Variants in MAGEA11 observed in about 807,000 individuals in gnomAD.
MAGEA11 encodes the protein MAGE family member A11.
In MAGEA11, 1 loss-of-function variant was observed where a neutral mutation model predicts 8.4. The ratio of observed to expected loss-of-function variants is 0.12; its 90% CI spans 0.04 to 0.57. The LOEUF (loss-of-function observed/expected upper bound fraction) is 0.57. Ranked by LOEUF, MAGEA11 falls within the 20% of genes least tolerant of loss-of-function variation. The probability of loss-of-function intolerance (pLI) is 0.91; values close to 1 mark genes in which losing one functional copy is unlikely to be tolerated. For synonymous variants in MAGEA11, 127 were observed against 119.3 expected (o/e 1.06, Z -0.42); for missense variants, 209 against 317.3 (o/e 0.66, Z 2.59).
intron 1 of MAGEA11, among the ~76,000 whole-genome samples, chrX:149,692,580 G>A (rs1477895362): frequency 3.6e-5 from 4 of 111,897 alleles, no homozygotes; most frequent in Admixed American, 2.9e-4. Context: ...AACTCAGGGT[G>A]CTAGAGCTGC....
chrX:149,696,029 C>T (rs2090329185), intron 1 of MAGEA11, among the ~76,000 whole-genome samples: 1 of 110,753 alleles, frequency 9.0e-6, no homozygotes, highest in African/African-American at 3.3e-5. Context: ...GCACAGGAGT[C>T]TCCTGTGAAT....
intron 1 of MAGEA11, among the ~76,000 whole-genome samples, chrX:149,706,942 T>C (rs912059353): frequency 8.9e-6 from 1 of 112,768 alleles, no homozygotes; most frequent in Non-Finnish European, 1.9e-5. Flanking sequence ...AGCTGCCTCC[T>C]GACAAGAGAG....
At chrX:149,697,514 C>T (rs1435834939) in intron 1 of MAGEA11, among the ~76,000 whole-genome samples, 3 of 110,686 alleles carry the variant, frequency 2.7e-5, no homozygotes, top group African/African-American at 6.6e-5. Flanking sequence ...GGCTGATGGA[C>T]GTCCTGCAGT....
At chrX:149,710,333 G>C (rs910032313), upstream of MAGEA11, among the ~76,000 whole-genome samples, 11 of 112,557 alleles carry the variant, frequency 9.8e-5, no homozygotes, top group African/African-American at 3.6e-4. Flanking sequence ...ATCATTGATA[G>C]GGAACAGAAT....
upstream of MAGEA11, among the ~76,000 whole-genome samples, chrX:149,708,288 T>A (rs1450040746): frequency 8.9e-6 from 1 of 111,941 alleles, no homozygotes; most frequent in Non-Finnish European, 1.9e-5. Flanking sequence ...TCGAATTAAT[T>A]TTTGTATATG....
intron 1 of MAGEA11, among the ~76,000 whole-genome samples, chrX:149,694,091 C>A (rs988218577): frequency 1.8e-5 from 2 of 112,039 alleles, no homozygotes; most frequent in Non-Finnish European, 3.8e-5. Context: ...AATGGAATGG[C>A]TGGGTCATAA....
At chrX:149,688,693 TATACATATACATATACAC>T (rs1182204281), upstream of MAGEA11, 5 of 183,335 alleles carry the variant, frequency 2.7e-5, no homozygotes, top group East Asian at 4.2e-4. Flanking sequence ...TACATATACA[TATACATATACATATACAC>T]ATACACATAC....
Position 149,715,750 on chromosome X carries a change from C to T in MAGEA11, c.267-3C>T. 8.3e-7 allele frequency: 1 copy of T among 1,202,048 alleles called. No individual in the cohort carries two copies. The highest frequency in any genetic ancestry group is 1.1e-6 in the Non-Finnish European group (1 of 890,790). On this transcript the variant is annotated splice_polypyrimidine_tract_variant and splice_region_variant and intron_variant, in intron 4 of 4. Transcript: ENST00000355220. ...TCTGTTCTCACGCTCCCTCTCTCCC[C>T]AGGCTGTGGGGCCCCATCACCCAGA...
intron 1 of MAGEA11, among the ~76,000 whole-genome samples, chrX:149,701,393 A>G (rs369722649): frequency 1.8e-5 from 2 of 109,970 alleles, no homozygotes; most frequent in Non-Finnish European, 3.8e-5. Context: ...CATATCCTTC[A>G]CCCACTTTTT....
chrX:149,713,130 C>T lies in MAGEA11; in HGVS notation c.-17-13C>T, dbSNP rs1557362080. 2 of 1,132,793 alleles carry T rather than the reference C, an allele frequency of 1.8e-6. No individual in the cohort carries two copies. The highest frequency in any genetic ancestry group is 2.4e-4 in the Middle Eastern group (1 of 4,183). 93.4% of individuals were successfully genotyped at this position (1,132,793 alleles called of 1,213,427 possible). A position where few individuals can be genotyped will look rare whatever the true frequency, so the allele number is the denominator to read the frequency against. ...AGTCCCGCCGTCTCAAACTGAGGTGCCTTTTCATTCAGCCTTGGGAATCTG... is the reference window on the plus strand; with the variant it reads ...AGTCCCGCCGTCTCAAACTGAGGTGTCTTTTCATTCAGCCTTGGGAATCTG... On this transcript the variant is annotated splice_polypyrimidine_tract_variant and intron_variant, in intron 1 of 4. Transcript: ENST00000355220.
At chrX:149,688,204 G>A (rs2090294475), upstream of MAGEA11, 1 of 112,448 alleles carries the variant, frequency 8.9e-6, no homozygotes, top group South Asian at 3.7e-4. Context: ...GATTCTTCCT[G>A]TTCTCCCTGA....
intron 1 of MAGEA11, among the ~76,000 whole-genome samples, chrX:149,706,654 T>C (rs1376170052): frequency 8.9e-6 from 1 of 112,147 alleles, no homozygotes; most frequent in African/African-American, 3.2e-5. Context: ...AAAGTTTAAC[T>C]GTTCATAAGC....
rs1322111635 is a variant in MAGEA11 at position 149,716,008 on chromosome X, T to C, written c.522T>C (p.Ser174=). Residue 174 remains serine (S), a synonymous_variant, in exon 5 of 5, where the codon AGT becomes AGC. Coordinates refer to ENST00000355220, the MANE Select transcript of MAGEA11 (RefSeq NM_005366.5). ...CTGAGTCACCAAGTCCTCCCCAGAG[T>C]CCTCAGGAAGAGTCCTTCTCTCCCA... ...PAAESPSPPQ[S]PQEESFSPTA... The C allele has an allele frequency of 1.7e-6, 2 of 1,209,414 alleles. No individual in the cohort carries two copies. Among genetic ancestry groups the C allele is most frequent in the African/African-American group, 3.5e-5 (2 of 56,956 alleles).
In MAGEA11 at chrX:149,715,953, A is replaced by T; in HGVS notation, c.467A>T (p.Asn156Ile). 1 of 1,211,199 alleles carries T rather than the reference A, an allele frequency of 8.3e-7. No homozygotes were observed. Among genetic ancestry groups the T allele is most frequent in the South Asian group, 1.8e-5 (1 of 56,933 alleles). Reference protein sequence around the residue: ...QEAAFFSSTLNVGTLEELPAA... With the variant: ...QEAAFFSSTLIVGTLEELPAA... ...GCTGCCTTCTTCTCCTCTACTCTGA[A>T]TGTGGGCACTCTAGAGGAGTTGCCT... The change falls in exon 5 of 5, where the codon AAT becomes ATT. Residue 156 changes from asparagine to isoleucine, a missense_variant. Around this residue, in one of 2 missense-constraint regions of MAGEA11, gnomAD observed 131 missense variants for 138.5 expected, o/e 0.95. Coordinates refer to ENST00000355220, the MANE Select transcript of MAGEA11 (RefSeq NM_005366.5).
chrX:149,704,164 C>G (rs2090365980), intron 1 of MAGEA11, among the ~76,000 whole-genome samples: 1 of 111,791 alleles, frequency 8.9e-6, no homozygotes, highest in South Asian at 3.8e-4. Flanking sequence ...AGAATCCTAC[C>G]CAATGGCCTC....
At chrX:149,695,661 G>A (rs782678053) in intron 1 of MAGEA11, among the ~76,000 whole-genome samples, 18 of 112,236 alleles carry the variant, frequency 1.6e-4, no homozygotes, top group Non-Finnish European at 2.6e-4. Context: ...AACTTCGTTA[G>A]TCACTAGGGA....
chrX:149,714,504 C>T lies in MAGEA11; in HGVS notation c.120C>T (p.Asp40=), dbSNP rs73640691. The T allele has an allele frequency of 4.0e-3, 4,778 of 1,209,276 alleles. 127 individuals carry two copies. The African/African-American group carries it at 0.074, about 19-fold the overall frequency. Residue 40 remains aspartate, a synonymous_variant, in exon 3 of 5, where the codon GAC becomes GAT. Coordinates refer to ENST00000355220, the MANE Select transcript of MAGEA11 (RefSeq NM_005366.5). ...AGGTGAGCACTATGTTCTCAGAGGA[C>T]GACTTCCAGTCAACAGAAAGAGCCC... is the stretch of plus-strand genomic sequence containing the variant. ...GLQVSTMFSE[D]DFQSTERAPY... is the part of the protein sequence containing the mutation.
chrX:149,691,492 G>T (rs1471575732), intron 1 of MAGEA11, among the ~76,000 whole-genome samples: 4 of 110,927 alleles, frequency 3.6e-5, no homozygotes. Context: ...CTTCAGCATG[G>T]GTAAGTTTCT....
At chrX:149,694,658 T>C (rs1302949787) in intron 1 of MAGEA11, among the ~76,000 whole-genome samples, 1 of 111,933 alleles carries the variant, frequency 8.9e-6, no homozygotes, top group Non-Finnish European at 1.9e-5. Context: ...TATCTGATGA[T>C]TTTCCTTTTT....
Sources: allele counts gnomAD v4.1 joint callset (sites outside exome capture counted in the v4.1 genomes callset), GRCh38; gene constraint gnomAD v4.1.1; regional missense constraint gnomAD v4.1.1; transcripts MANE v1.5; gene names NCBI Gene and HGNC (gene_info 2026-07-23, HGNC 2026-07-21).